The following TCEANC2 variants were observed in gnomAD, a reference collection of about 807,000 sequenced individuals.
TCEANC2 encodes transcription elongation factor A N-terminal and central domain containing 2.
In TCEANC2, 20 loss-of-function variants were observed where a neutral mutation model predicts 22.8. The ratio of observed to expected loss-of-function variants is 0.88; its 90% confidence interval spans 0.62 to 1.28. The LOEUF (loss-of-function observed/expected upper bound fraction) is 1.28. TCEANC2 is among the 50% of genes most tolerant of loss of function. The pLI is 0.00. For missense variants in TCEANC2, 251 were observed against 249.7 expected (o/e 1.01, Z -0.03); for synonymous variants, 84 against 95.5 (o/e 0.88, Z 0.70).
chr1:54,094,211 TTCTCTC>T (rs943750206), intron 4 of TCEANC2, among the ~76,000 whole-genome samples: 6 of 152,196 alleles, frequency 3.9e-5, no homozygotes, highest in African/African-American at 1.4e-4. Flanking sequence ...CTCTCTTTCT[TTCTCTC>T]TGTCTCTTTC....
chr1:54,096,765 C>A lies in TCEANC2; in HGVS notation c.*292C>A. The A allele has an allele frequency of 9.0e-7, 1 of 1,116,682 alleles. No individual in the cohort carries two copies. Among genetic ancestry groups the A allele is most frequent in the Non-Finnish European group, 1.1e-6 (1 of 910,960 alleles). 69.2% of individuals were successfully genotyped at this position (1,116,682 alleles called of 1,614,324 possible). A position where few individuals can be genotyped will look rare whatever the true frequency, so the allele number is the denominator to read the frequency against. ...CATGGTGAAAGGGTGATGGATTTCA[C>A]TGTGAATATGCCAAGGACACCTCTA... On this transcript the variant is annotated 3_prime_UTR_variant, in exon 5 of 5. Coordinates refer to ENST00000234827, the MANE Select transcript of TCEANC2 (RefSeq NM_153035.3). This position sits in a 1 kb window ranked among gnomAD's most constrained non-coding sequence, Gnocchi z 4.9.
At chr1:54,083,504 G>A (rs1322023551) in intron 3 of TCEANC2, among the ~76,000 whole-genome samples, 1 of 152,198 alleles carries the variant, frequency 6.6e-6, no homozygotes, top group East Asian at 1.9e-4. Context: ...ATGCCACAGA[G>A]AGGCCAAGTA....
chr1:54,070,979 A>G (rs916703376), intron 3 of TCEANC2, among the ~76,000 whole-genome samples: 16 of 152,210 alleles, frequency 1.1e-4, no homozygotes, highest in Admixed American at 7.9e-4. Flanking sequence ...GGCAGAAGGT[A>G]TTGAAGAATG....
chr1:54,091,150 C>CAAA (rs11428267), intron 4 of TCEANC2, among the ~76,000 whole-genome samples: 2 of 142,940 alleles, frequency 1.4e-5, no homozygotes, highest in African/African-American at 2.6e-5. Flanking sequence ...CGTCCTTAGC[C>CAAA]AAAAAAAAAA....
intron 2 of TCEANC2, among the ~76,000 whole-genome samples, chr1:54,066,375 T>C (rs1387097247): frequency 6.6e-6 from 1 of 151,992 alleles, no homozygotes; most frequent in African/African-American, 2.4e-5. Flanking sequence ...TAAACACAAA[T>C]GGATTAAACA....
chr1:54,111,610 G>A (rs984407226), exon 5 of TCEANC2: 7 of 152,190 alleles, frequency 4.6e-5, no homozygotes, highest in African/African-American at 7.2e-5. Flanking sequence ...AACACTTGAT[G>A]ATGATGAAGA....
chr1:54,069,202 T>G (rs1658011781), intron 3 of TCEANC2, among the ~76,000 whole-genome samples: 1 of 152,286 alleles, frequency 6.6e-6, no homozygotes, highest in Non-Finnish European at 1.5e-5. Context: ...ACATTTAATT[T>G]ATGTACTTAC....
intron 2 of TCEANC2, among the ~76,000 whole-genome samples, chr1:54,059,903 T>C (rs1332286216): frequency 6.6e-6 from 1 of 152,212 alleles, no homozygotes; most frequent in Non-Finnish European, 1.5e-5. Context: ...ATAGAGAACA[T>C]GAGAGAAACT....
intron 3 of TCEANC2, among the ~76,000 whole-genome samples, chr1:54,084,853 A>T (rs1298695426): frequency 6.6e-6 from 1 of 152,134 alleles, no homozygotes; most frequent in East Asian, 1.9e-4. Context: ...TTTAGCATCT[A>T]CTACAGTGAC....
At chr1:54,081,536 A>T (rs891961461) in intron 3 of TCEANC2, among the ~76,000 whole-genome samples, 2 of 152,124 alleles carry the variant, frequency 1.3e-5, no homozygotes, top group Non-Finnish European at 2.9e-5. Context: ...GCATGCCACC[A>T]TGCGCAGCCT....
exon 5 of TCEANC2, chr1:54,111,676 AC>A (rs1330728403): frequency 5.3e-5 from 8 of 152,194 alleles, no homozygotes; most frequent in Admixed American, 5.2e-4. Flanking sequence ...CCTCACGACA[AC>A]CCTGCAAGGC....
At chr1:54,095,421 A>G (rs900507102) in intron 4 of TCEANC2, among the ~76,000 whole-genome samples, 5 of 152,076 alleles carry the variant, frequency 3.3e-5, no homozygotes, top group Non-Finnish European at 7.4e-5. Flanking sequence ...TGGGGAGGGG[A>G]ATAGCTGAAG....
At chr1:54,084,021 T>G (rs1000082212) in intron 3 of TCEANC2, among the ~76,000 whole-genome samples, 9 of 65,230 alleles carry the variant, frequency 1.4e-4, no homozygotes, top group African/African-American at 4.7e-4. Flanking sequence ...TTTTGTCGGG[T>G]TTTTTTTTTT....
At position 54,104,550 on chromosome 1, in the gene TCEANC2, C is replaced by G. The variant is rs868865102; in HGVS notation, c.*8077C>G. 2 of 446,980 alleles carry G rather than the reference C, an allele frequency of 4.5e-6. No individual in the cohort carries two copies. Among genetic ancestry groups the G allele is most frequent in the African/African-American group, 4.1e-5 (2 of 49,150 alleles). The allele number at this position is 446,980 out of a possible 1,614,324, so 27.7% of individuals were successfully genotyped here. A position where few individuals can be genotyped will look rare whatever the true frequency, so the allele number is the denominator to read the frequency against. ...GTATTCCTTTGCCCAATTTTTTTTTCTTTTTCTTTTTCAGAGGTGGAGTCT... is the reference window on the plus strand; with the variant it reads ...GTATTCCTTTGCCCAATTTTTTTTTGTTTTTCTTTTTCAGAGGTGGAGTCT... On this transcript the variant is annotated 3_prime_UTR_variant, in exon 5 of 5. Transcript: ENST00000234827.
intron 4 of TCEANC2, among the ~76,000 whole-genome samples, chr1:54,093,254 C>T (rs956736291): frequency 3.9e-5 from 6 of 152,268 alleles, no homozygotes; most frequent in South Asian, 2.1e-4. Flanking sequence ...TTCTCAAGGA[C>T]TCGGTGAAAC....
intron 2 of TCEANC2, among the ~76,000 whole-genome samples, chr1:54,063,266 A>C (rs1657891523): frequency 1.3e-5 from 2 of 152,170 alleles, no homozygotes; most frequent in African/African-American, 4.8e-5. Flanking sequence ...GAAAAATTCC[A>C]TCCACTGGTC....
intron 4 of TCEANC2, chr1:54,089,723 A>C (rs576980992): frequency 7.4e-6 from 2 of 269,280 alleles, no homozygotes; most frequent in East Asian, 7.7e-5. Context: ...TAGCCTTTCT[A>C]TCTCAATTTT....
At chr1:54,107,710 A>G (rs920129911), downstream of TCEANC2, among the ~76,000 whole-genome samples, 3 of 152,210 alleles carry the variant, frequency 2.0e-5, no homozygotes, top group Non-Finnish European at 4.4e-5. Flanking sequence ...ATAAATTCAT[A>G]TAATGTATTT....
intron 4 of TCEANC2, among the ~76,000 whole-genome samples, chr1:54,089,137 G>A (rs531716015): frequency 6.6e-6 from 1 of 152,312 alleles, no homozygotes; most frequent in African/African-American, 2.4e-5. Flanking sequence ...AATGTGGATT[G>A]TAAGTCCTAC....
Sources: gnomAD v4.1 joint callset for allele counts (sites outside exome capture counted in the v4.1 genomes callset) on GRCh38, gnomAD v4.1.1 for gene constraint, Gnocchi (gnomAD v3.1) non-coding constraint, MANE v1.5 for transcripts, NCBI Gene and HGNC (gene_info 2026-07-23, HGNC 2026-07-21) for gene names.